The following MTUS2 variants were observed in gnomAD, a reference collection of about 807,000 sequenced individuals.
The protein encoded by MTUS2 is microtubule-associated tumor suppressor candidate 2.
Under a neutral mutation model 114.1 loss-of-function variants are expected in MTUS2, and 40 were observed. The observed-to-expected ratio is 0.35, with a 90% CI of 0.27 to 0.46. The LOEUF (loss-of-function observed/expected upper bound fraction) is 0.46, where lower values mean the gene tolerates loss of function less well. MTUS2 is among the 20% of genes least tolerant of loss of function. The pLI, the probability that MTUS2 is intolerant of heterozygous loss-of-function variation, is 1.00. For synonymous variants in MTUS2, 688 were observed against 672.0 expected (o/e 1.02, Z -0.37); for missense variants, 1,679 against 1,705.4 (o/e 0.98, Z 0.27).
rs544676609 is a variant in MTUS2, at chr13:29,503,575, C to T, written c.*369C>T. On this transcript the variant is annotated 3_prime_UTR_variant, in exon 16 of 16. Coordinates refer to ENST00000612955, the MANE Select transcript of MTUS2 (RefSeq NM_001033602.4). Reference sequence around the variant, plus strand: ...CGATATGTGTGTATATTTAGATATACGTATATACACATGCTGCGGTTCTGA... The same window carrying T: ...CGATATGTGTGTATATTTAGATATATGTATATACACATGCTGCGGTTCTGA... 7 of 316,488 alleles carry T rather than the reference C, an allele frequency of 2.2e-5. No homozygotes were observed. In the South Asian group the frequency reaches 4.6e-4, roughly 21 times the overall value. 19.6% of individuals were successfully genotyped at this position (316,488 alleles called of 1,614,324 possible).
At chr13:29,431,420 A>G (rs1030542803) in intron 8 of MTUS2, among the ~76,000 whole-genome samples, 1 of 152,222 alleles carries the variant, frequency 6.6e-6, no homozygotes, top group African/African-American at 2.4e-5. Context: ...TTTACCGATA[A>G]TTGGTTTGGT....
intron 9 of MTUS2, among the ~76,000 whole-genome samples, chr13:29,446,118 G>T (rs1593452596): frequency 1.3e-5 from 2 of 152,130 alleles, no homozygotes; most frequent in East Asian, 3.9e-4. Flanking sequence ...ATCATTATGA[G>T]TCACAAAAGG....
intron 6 of MTUS2, among the ~76,000 whole-genome samples, chr13:29,294,112 A>C (rs2139585536): frequency 6.6e-6 from 1 of 152,284 alleles, no homozygotes; most frequent in Admixed American, 6.5e-5. Context: ...AGGAAAGAGC[A>C]TGAAGGTTAC....
In MTUS2 at chr13:29,094,396, A is replaced by G. The variant is rs1177446620; in HGVS notation, c.2447-6377A>G. ...TCTCTTTTAGATTTTCAGAGTTTCT[A>G]TTTCTTCTTGATTCAGCTTTTATAG... On this transcript the variant is annotated intron_variant, in intron 4 of 15. Coordinates refer to ENST00000612955, the MANE Select transcript of MTUS2 (RefSeq NM_001033602.4). 2.0e-5 allele frequency among the ~76,000 whole-genome samples: 3 copies of G among 150,818 alleles called. No homozygotes were observed. In the East Asian group the frequency reaches 5.9e-4, roughly 29 times the overall value.
At chr13:28,859,315 T>C (rs1237090583) in intron 2 of MTUS2, among the ~76,000 whole-genome samples, 1 of 152,106 alleles carries the variant, frequency 6.6e-6, no homozygotes, top group Non-Finnish European at 1.5e-5. Flanking sequence ...CTGAGGACAA[T>C]CCCCATAGTG....
intron 5 of MTUS2, among the ~76,000 whole-genome samples, chr13:29,154,985 G>A (rs1453940242): frequency 6.6e-6 from 1 of 152,216 alleles, no homozygotes; most frequent in Non-Finnish European, 1.5e-5. Flanking sequence ...TTTAACTGAT[G>A]CCGCCTCGGC....
chr13:29,135,402 T>C (rs764368394), intron 5 of MTUS2, among the ~76,000 whole-genome samples: 11 of 152,360 alleles, frequency 7.2e-5, no homozygotes, highest in Middle Eastern at 3.4e-3. Context: ...CCTTTCACTT[T>C]CAACCTATTT....
At chr13:29,259,296 G>A (rs1897384790) in intron 5 of MTUS2, among the ~76,000 whole-genome samples, 1 of 152,140 alleles carries the variant, frequency 6.6e-6, no homozygotes, top group African/African-American at 2.4e-5. Context: ...TGATCAACCA[G>A]CAGGAGATAT....
chr13:29,059,029 G>A (rs1311206742), intron 4 of MTUS2, among the ~76,000 whole-genome samples: 5 of 151,728 alleles, frequency 3.3e-5, no homozygotes, highest in African/African-American at 4.8e-5. Flanking sequence ...GACAATCTTC[G>A]TTCCTGTCCA....
intron 5 of MTUS2, among the ~76,000 whole-genome samples, chr13:29,120,215 A>G (rs1249509262): frequency 1.3e-5 from 2 of 152,136 alleles, no homozygotes; most frequent in Non-Finnish European, 2.9e-5. Flanking sequence ...ATTTAAGGAG[A>G]TACTTTACTA....
rs1883063797 is a variant in MTUS2, at chr13:29,503,742, G to GAT, written c.*537_*538insTA. 1.4e-5 allele frequency: 3 copies of GAT among 207,278 alleles called. No individual in the cohort carries two copies. The highest frequency in any genetic ancestry group is 5.8e-5 in the Admixed American group (1 of 17,112). 12.8% of individuals were successfully genotyped at this position (207,278 alleles called of 1,614,324 possible). On this transcript the variant is annotated 3_prime_UTR_variant, in exon 16 of 16. Coordinates refer to ENST00000612955, the MANE Select transcript of MTUS2 (RefSeq NM_001033602.4). ...ATATTTCTACCCAAAATAGAAAAAG[G>GAT]AAAAAAAAAAAGATACAGAGAAGAA...
At chr13:29,346,781 C>T (rs1448245581) in intron 7 of MTUS2, among the ~76,000 whole-genome samples, 1 of 146,810 alleles carries the variant, frequency 6.8e-6, no homozygotes, top group Non-Finnish European at 1.5e-5. Context: ...TCCCCAAGAA[C>T]TCCTGAGAGA....
chr13:29,444,281 T>G (rs113214936), intron 9 of MTUS2, among the ~76,000 whole-genome samples: 6,255 of 152,048 alleles, frequency 0.041, 410 homozygotes, highest in African/African-American at 0.14. Context: ...AATTAAAAAT[T>G]AGCTAGGTGT....
chr13:29,005,781 C>T (rs1885575181), intron 2 of MTUS2, among the ~76,000 whole-genome samples: 1 of 152,184 alleles, frequency 6.6e-6, no homozygotes, highest in African/African-American at 2.4e-5. Context: ...GTATTGTTAA[C>T]CTAGGACATA....
At chr13:28,988,031 T>C (rs1040052989) in intron 2 of MTUS2, among the ~76,000 whole-genome samples, 3 of 152,214 alleles carry the variant, frequency 2.0e-5, no homozygotes, top group African/African-American at 7.2e-5. Flanking sequence ...TCAGAATGTC[T>C]GGAGGAGGGA....
intron 2 of MTUS2, among the ~76,000 whole-genome samples, chr13:28,933,780 G>A (rs1881749336): frequency 2.0e-5 from 3 of 152,176 alleles, no homozygotes; most frequent in Admixed American, 1.3e-4. Context: ...ATTTAACTAA[G>A]GTCACACAAT....
At chr13:29,494,667 C>T (rs1882409094) in intron 12 of MTUS2, among the ~76,000 whole-genome samples, 1 of 151,994 alleles carries the variant, frequency 6.6e-6, no homozygotes, top group Non-Finnish European at 1.5e-5. Context: ...GCGCGCAAGC[C>T]CCCACCTGCG....
intron 2 of MTUS2, among the ~76,000 whole-genome samples, chr13:28,944,755 G>A (rs767459482): frequency 1.9e-4 from 29 of 152,122 alleles, no homozygotes; most frequent in Non-Finnish European, 4.1e-4. Flanking sequence ...GCTTGTCATC[G>A]AAGTCCACAC....
At chr13:29,267,726 C>T (rs558847951) in intron 5 of MTUS2, among the ~76,000 whole-genome samples, 1 of 152,052 alleles carries the variant, frequency 6.6e-6, no homozygotes, top group South Asian at 2.1e-4. Context: ...GGGATGAAGC[C>T]CCTAAAGGAG....
Sources: allele counts gnomAD v4.1 joint callset (sites outside exome capture counted in the v4.1 genomes callset), GRCh38; gene constraint gnomAD v4.1.1; transcripts MANE v1.5; gene names NCBI Gene and HGNC (gene_info 2026-07-23, HGNC 2026-07-21).